ACTR3C: variants seen among roughly 807,000 people sequenced by gnomAD.
The protein encoded by ACTR3C is actin-related protein 3C.
Under a neutral mutation model 26.3 loss-of-function variants are expected in ACTR3C, and 18 were observed. The ratio of observed to expected loss-of-function variants is 0.68; its 90% confidence interval spans 0.47 to 1.01. ACTR3C has a LOEUF of 1.01. Among genes scored for constraint, ACTR3C ranks in the 50% least tolerant of loss-of-function variants. The pLI, the probability that ACTR3C is intolerant of heterozygous loss-of-function variation, is 0.00. For synonymous variants in ACTR3C, 55 were observed against 94.5 expected, an observed-to-expected ratio of 0.58 and a Z score of 2.42; for missense variants, 184 against 250.7, an observed-to-expected ratio of 0.73 and a Z score of 1.80.
intron 1 of ACTR3C, among the ~76,000 whole-genome samples, chr7:150,312,927 AG>A (rs1288612033): frequency 1.3e-5 from 2 of 152,180 alleles, no homozygotes; most frequent in African/African-American, 4.8e-5. Flanking sequence ...AAACCACAAA[AG>A]AAGTGAAACA....
At chr7:149,950,516 G>T in the ACTR3C span, among the ~76,000 whole-genome samples, 1 of 152,068 alleles carries the variant, frequency 6.6e-6, no homozygotes, top group Non-Finnish European at 1.5e-5. Flanking sequence ...AGGAAATGGG[G>T]GATGGCTTCA....
the ACTR3C span, among the ~76,000 whole-genome samples, chr7:150,039,891 G>A: frequency 7.2e-4 from 85 of 118,478 alleles, 2 homozygotes; most frequent in African/African-American, 1.9e-3. Flanking sequence ...CAGTCCCCGT[G>A]TCGTGAGGGG....
At chr7:150,009,826 C>T in the ACTR3C span, among the ~76,000 whole-genome samples, 65 of 152,360 alleles carry the variant, frequency 4.3e-4, no homozygotes, top group Non-Finnish European at 7.5e-4. Context: ...GCGGCTAATT[C>T]TCTCCTCTGT....
At chr7:150,039,850 A>C in the ACTR3C span, among the ~76,000 whole-genome samples, 26 of 121,836 alleles carry the variant, frequency 2.1e-4, no homozygotes, top group Admixed American at 3.9e-4. Context: ...TGGGGGTCCT[A>C]AGAGCAAAGG....
intron 1 of ACTR3C, chr7:150,302,839 T>TA (rs1452566334): frequency 6.6e-6 from 1 of 152,026 alleles, no homozygotes; most frequent in Non-Finnish European, 1.5e-5. Context: ...CAGACAGACT[T>TA]ACGGCAGCAA....
intron 6 of ACTR3C, among the ~76,000 whole-genome samples, chr7:150,249,610 C>T (rs1832691726): frequency 2.0e-5 from 3 of 152,024 alleles, no homozygotes; most frequent in Non-Finnish European, 4.4e-5. Context: ...CCGGACACAA[C>T]ACCCAGCTAA....
chr7:150,003,882 T>TG, the ACTR3C span, among the ~76,000 whole-genome samples: 1 of 148,882 alleles, frequency 6.7e-6, no homozygotes, highest in Non-Finnish European at 1.5e-5. Context: ...TGGTATGTTA[T>TG]GGGGTGTGTG....
At chr7:150,141,917 G>C in the ACTR3C span, among the ~76,000 whole-genome samples, 4 of 152,048 alleles carry the variant, frequency 2.6e-5, no homozygotes, top group African/African-American at 9.7e-5. Flanking sequence ...CCAGGAAACA[G>C]GCCAGATGTT....
At chr7:150,156,690 G>T in the ACTR3C span, among the ~76,000 whole-genome samples, 3 of 152,096 alleles carry the variant, frequency 2.0e-5, no homozygotes, top group East Asian at 1.9e-4. Flanking sequence ...ATTGATTCTG[G>T]AATAAACACT....
the ACTR3C span, among the ~76,000 whole-genome samples, chr7:150,036,491 A>T: frequency 6.9e-6 from 1 of 145,392 alleles, no homozygotes; most frequent in Non-Finnish European, 1.6e-5. Flanking sequence ...CTGCCAGAAG[A>T]TTTTCTTGTA....
Position 150,278,628 on chromosome 7 carries a change from C to T in ACTR3C, c.564+6125G>A, listed in dbSNP as rs552831311. Among the ~76,000 whole-genome samples the T allele has an allele frequency of 7.9e-5, 12 of 152,360 alleles. No homozygotes were observed. In the South Asian group the frequency reaches 2.3e-3, roughly 29 times the overall value. The stretch of plus-strand genomic sequence containing the variant: ...CCGCCATCCACATCTCCACCGGCCT[C>T]CCACGGCAACAGGTGTCTTAATGTT... On this transcript the variant is annotated intron_variant, in intron 6 of 7. Transcript: ENST00000683684.
At chr7:150,143,554 C>T in the ACTR3C span, among the ~76,000 whole-genome samples, 19 of 152,240 alleles carry the variant, frequency 1.2e-4, no homozygotes, top group Non-Finnish European at 2.8e-4. Flanking sequence ...CTTCCCAGCT[C>T]TCCCAGACAA....
rs182450715 is a variant in ACTR3C at position 150,310,153 on chromosome 7, C to G, written c.-52+13316G>C. Among the ~76,000 whole-genome samples, 91 of 152,288 alleles carry G rather than the reference C, an allele frequency of 6.0e-4. No homozygotes were observed. The Middle Eastern group carries it at 0.01, about 17-fold the overall frequency. On this transcript the variant is annotated intron_variant, in intron 1 of 7. Transcript: ENST00000683684. ...AAATTATCTGCTTCCCTGGTTATTC[C>G]TGGGCTACAGCCACACCTCACTGCT...
chr7:150,299,434 T>G (rs1171812994), intron 1 of ACTR3C, among the ~76,000 whole-genome samples: 1 of 113,500 alleles, frequency 8.8e-6, no homozygotes, highest in African/African-American at 3.5e-5. Context: ...GCCACTGCAC[T>G]CCAGCTTGGA....
At chr7:150,297,725 A>T (rs1485979392) in intron 1 of ACTR3C, among the ~76,000 whole-genome samples, 1 of 152,156 alleles carries the variant, frequency 6.6e-6, no homozygotes, top group Non-Finnish European at 1.5e-5. Flanking sequence ...GGTGGTGTGC[A>T]CCTGTAGTCC....
chr7:150,117,141 A>C, the ACTR3C span, among the ~76,000 whole-genome samples: 1 of 152,204 alleles, frequency 6.6e-6, no homozygotes, highest in South Asian at 2.1e-4. Context: ...GCTTTCAAGC[A>C]CAAAACTGGG....
the ACTR3C span, among the ~76,000 whole-genome samples, chr7:149,952,163 C>T: frequency 5.3e-5 from 8 of 151,658 alleles, no homozygotes; most frequent in Admixed American, 2.0e-4. Flanking sequence ...CTAAAAAAAA[C>T]GCCTTATCTT....
the ACTR3C span, among the ~76,000 whole-genome samples, chr7:150,038,045 G>A: frequency 1.4e-5 from 2 of 140,540 alleles, 1 homozygote; most frequent in Non-Finnish European, 3.1e-5. Context: ...GCCATGGGGG[G>A]AAGAGGGGTT....
chr7:150,173,926 A>G, the ACTR3C span, among the ~76,000 whole-genome samples: 382 of 145,650 alleles, frequency 2.6e-3, 2 homozygotes, highest in African/African-American at 9.8e-3. Flanking sequence ...CAAGTTCCTC[A>G]TCACCATCTG....
Sources: gnomAD v4.1 joint callset for allele counts (sites outside exome capture counted in the v4.1 genomes callset) on GRCh38, gnomAD v4.1.1 for gene constraint, MANE v1.5 for transcripts, NCBI Gene and HGNC (gene_info 2026-07-23, HGNC 2026-07-21) for gene names.